The following UTY variants were observed in gnomAD, a reference collection of about 807,000 sequenced individuals.
The protein encoded by UTY is ubiquitously transcribed tetratricopeptide repeat containing, Y-linked, also known as histone demethylase UTY.
UTY carries 12 observed loss-of-function variants against 32.5 expected under a neutral mutation model. The observed-to-expected ratio is 0.37, with a 90% CI of 0.24 to 0.60. The LOEUF (loss-of-function observed/expected upper bound fraction) is 0.60, where lower values mean the gene tolerates loss of function less well. Among genes scored for constraint, UTY ranks in the 20% least tolerant of loss-of-function variants. The pLI, the probability that UTY is intolerant of heterozygous loss-of-function variation, is 0.69. For synonymous variants in UTY, 131 were observed against 103.4 expected (o/e 1.27, Z -1.62); for missense variants, 303 against 299.2 (o/e 1.01, Z -0.09).
chrY:13,347,537 T>C (rs2062013889), intron 17 of UTY, among the ~76,000 whole-genome samples: 1 of 31,489 alleles, frequency 3.2e-5, no homozygotes, highest in Non-Finnish European at 7.7e-5. Context: ...CTGGCTAAGA[T>C]GGTGAAACCC....
At chrY:13,346,382 C>T (rs2061901953) in intron 17 of UTY, among the ~76,000 whole-genome samples, 9 of 33,642 alleles carry the variant, frequency 2.7e-4, no homozygotes, top group Admixed American at 1.3e-3. Context: ...AGGTTTTATA[C>T]ATCTTTCAAT....
At chrY:13,314,633 C>A in intron 21 of UTY, among the ~76,000 whole-genome samples, 2 of 33,218 alleles carry the variant, frequency 6.0e-5, no homozygotes, top group African/African-American at 2.4e-4. Flanking sequence ...ATTGGAAAAA[C>A]GAGATATTTA....
intron 27 of UTY, chrY:13,287,365 C>T: frequency 2.8e-6 from 1 of 359,358 alleles, no homozygotes; most frequent in Non-Finnish European, 4.0e-6. Flanking sequence ...GTTGCTCTAG[C>T]AGAGAGAGAC....
intron 27 of UTY, among the ~76,000 whole-genome samples, chrY:13,264,465 T>C: frequency 3.0e-5 from 1 of 33,608 alleles, no homozygotes; most frequent in Non-Finnish European, 7.4e-5. Context: ...ATGATCACCA[T>C]TCTACGCGGT....
chrY:13,404,492 C>G, intron 6 of UTY, among the ~76,000 whole-genome samples: 1 of 33,340 alleles, frequency 3.0e-5, no homozygotes, highest in Admixed American at 2.7e-4. Flanking sequence ...TAAAAATAAT[C>G]TTTCTTTTTT....
At chrY:13,345,090 A>G in intron 17 of UTY, among the ~76,000 whole-genome samples, 1 of 33,368 alleles carries the variant, frequency 3.0e-5, no homozygotes, top group African/African-American at 1.2e-4. Context: ...GGGTCAAACA[A>G]TGGAACCCAA....
intron 27 of UTY, among the ~76,000 whole-genome samples, chrY:13,291,629 T>G (rs2057766473): frequency 3.1e-5 from 1 of 32,771 alleles, no homozygotes; most frequent in African/African-American, 1.2e-4. Context: ...GGGTTGACAG[T>G]TGCAGCAGAT....
downstream of UTY, among the ~76,000 whole-genome samples, chrY:13,246,689 T>G: frequency 9.9e-5 from 3 of 30,261 alleles, no homozygotes; most frequent in African/African-American, 3.9e-4. Context: ...GAGACCAGCC[T>G]GCCTAACATG....
At chrY:13,376,408 A>G (rs2065394305) in intron 8 of UTY, among the ~76,000 whole-genome samples, 1 of 33,731 alleles carries the variant, frequency 3.0e-5, no homozygotes, top group Non-Finnish European at 7.4e-5. Flanking sequence ...TTTGAATTCC[A>G]TTTTGTGTAC....
intron 4 of UTY, among the ~76,000 whole-genome samples, chrY:13,443,034 T>C (rs2075353352): frequency 3.0e-5 from 1 of 33,594 alleles, no homozygotes; most frequent in Non-Finnish European, 7.4e-5. Context: ...TGTCCTACCA[T>C]CCTAGCTGCA....
At chrY:13,294,927 G>A in intron 27 of UTY, among the ~76,000 whole-genome samples, 1 of 31,924 alleles carries the variant, frequency 3.1e-5, no homozygotes, top group Admixed American at 2.8e-4. Flanking sequence ...AGGCATGGTC[G>A]TGGGCCCCTG....
chrY:13,436,747 A>C (rs750868878), intron 4 of UTY, among the ~76,000 whole-genome samples: 10 of 32,527 alleles, frequency 3.1e-4, no homozygotes, highest in Middle Eastern at 0.014. Context: ...AATCACCAGC[A>C]GGGTGTTTCA....
intron 28 of UTY, among the ~76,000 whole-genome samples, chrY:13,258,462 G>A: frequency 2.9e-5 from 1 of 33,972 alleles, no homozygotes; most frequent in South Asian, 6.6e-4. Context: ...CATTGTAGGA[G>A]CTAAACATAA....
intron 4 of UTY, among the ~76,000 whole-genome samples, chrY:13,444,718 A>C (rs2075499823): frequency 2.9e-5 from 1 of 33,944 alleles, no homozygotes; most frequent in Non-Finnish European, 7.3e-5. Context: ...TCCAAAAATT[A>C]GTCCACTTTC....
chrY:13,254,817 A>C, intron 28 of UTY, among the ~76,000 whole-genome samples: 1 of 33,781 alleles, frequency 3.0e-5, no homozygotes, highest in South Asian at 6.6e-4. Flanking sequence ...CAGAGCCAGG[A>C]GAGCGTATAG....
chrY:13,272,028 G>T, intron 27 of UTY, among the ~76,000 whole-genome samples: 1 of 33,637 alleles, frequency 3.0e-5, no homozygotes, highest in African/African-American at 1.2e-4. Flanking sequence ...TTGCTTCCTA[G>T]ATCTCTAAGA....
chrY:13,393,889 T>C lies in UTY; in HGVS notation c.615A>G (p.Gln205=). The C allele has an allele frequency of 2.6e-6, 1 of 384,365 alleles. No homozygotes were observed. Among genetic ancestry groups the C allele is most frequent in the Non-Finnish European group, 3.6e-6 (1 of 275,771 alleles). The change falls in exon 8 of 30, where the codon CAA becomes CAG. Residue 205 remains glutamine (Q), a synonymous_variant. Transcript: ENST00000545955. ...TTTCATACAAATGGGCAATATGAAATTGAACTGCAATGGATCATGGGAAAA... is the reference window on the plus strand; with the variant it reads ...TTTCATACAAATGGGCAATATGAAACTGAACTGCAATGGATCATGGGAAAA... ...NPCTLSNAEI[Q]FHIAHLYETQ...
intron 4 of UTY, among the ~76,000 whole-genome samples, chrY:13,439,938 G>C: frequency 3.1e-5 from 1 of 32,682 alleles, no homozygotes; most frequent in Non-Finnish European, 7.5e-5. Flanking sequence ...TATGGAATGA[G>C]CCCTTTGTAG....
In UTY at chrY:13,479,527, C is replaced by A; in HGVS notation, c.139G>T (p.Gly47Cys). The A allele has an allele frequency of 5.0e-6, 2 of 398,736 alleles. No homozygotes were observed. The highest frequency in any genetic ancestry group is 7.1e-6 in the Non-Finnish European group (2 of 283,622). Reference sequence around the variant, plus strand: ...GGAGGTGCGTACCTGTCCATGCCACCAAGCGCCTCCCTTTCCTCGACTGTC... The same window carrying A: ...GGAGGTGCGTACCTGTCCATGCCACAAAGCGCCTCCCTTTCCTCGACTGTC... ...SLTVEEREAL[G>C]GMDSRLFGFV... The change falls in exon 1 of 30, where the codon GGT becomes TGT. Residue 47 changes from glycine (G) to cysteine (C), a missense_variant. Gly to Cys is a radical substitution (Grantham distance 159). Coordinates refer to ENST00000545955, the MANE Select transcript of UTY (RefSeq NM_001258249.2).
Sources: gnomAD v4.1 joint callset for allele counts (sites outside exome capture counted in the v4.1 genomes callset) on GRCh38, gnomAD v4.1.1 for gene constraint, MANE v1.5 for transcripts, NCBI Gene and HGNC (gene_info 2026-07-23, HGNC 2026-07-21) for gene names.